The following PCM1 variants were observed in gnomAD, a reference collection of about 807,000 sequenced individuals.
PCM1 encodes the protein pericentriolar material 1 protein.
PCM1 carries 157 observed loss-of-function variants against 241.9 expected under a neutral mutation model. That is an observed-to-expected ratio of 0.65 (90% CI 0.57 to 0.74). The LOEUF is 0.74. Among genes scored for constraint, PCM1 ranks in the 30% least tolerant of loss-of-function variants. The pLI is 0.00. For missense variants in PCM1, 3,478 were observed against 2,360.1 expected (o/e 1.47, Z -9.81); for synonymous variants, 1,085 against 784.9 (o/e 1.38, Z -6.39).
chr8:17,931,067 C>CTG (rs2058866235), intron 2 of PCM1, among the ~76,000 whole-genome samples: 1 of 152,070 alleles, frequency 6.6e-6, no homozygotes, highest in Non-Finnish European at 1.5e-5. Flanking sequence ...TTTTGCCAAC[C>CTG]TGATAGATTA....
At chr8:18,011,963 T>C (rs2092579339) in intron 34 of PCM1, 136 bp downstream of exon 34, 2 of 763,576 alleles carry the variant, frequency 2.6e-6, no homozygotes, top group East Asian at 2.9e-5. Context: ...ATTAATATGC[T>C]TATTAAAATC....
At chr8:17,971,978 C>T (rs2077010414) in intron 22 of PCM1, among the ~76,000 whole-genome samples, 1 of 152,134 alleles carries the variant, frequency 6.6e-6, no homozygotes, top group Non-Finnish European at 1.5e-5. Flanking sequence ...CTCCTGGGCT[C>T]AAGCATTCCT....
chr8:17,952,398 CT>C (rs1432380600), intron 8 of PCM1, among the ~76,000 whole-genome samples: 1 of 152,012 alleles, frequency 6.6e-6, no homozygotes, highest in Non-Finnish European at 1.5e-5. Context: ...ATTGTTATTA[CT>C]TTTGATTCAA....
intron 10 of PCM1, 175 bp downstream of exon 10, chr8:17,955,828 AAG>A: frequency 1.6e-6 from 1 of 611,516 alleles, no homozygotes; most frequent in Non-Finnish European, 2.9e-6. Flanking sequence ...TGAGTTGTCT[AAG>A]AGATGTGATG....
At chr8:17,923,815 C>T (rs2055659740) in intron 1 of PCM1, among the ~76,000 whole-genome samples, 1 of 152,032 alleles carries the variant, frequency 6.6e-6, no homozygotes, top group African/African-American at 2.4e-5. Flanking sequence ...TCCCTTCCTA[C>T]CTATCTAGTT....
At chr8:17,940,567 C>T (rs1463473923) in intron 6 of PCM1, among the ~76,000 whole-genome samples, 1 of 152,180 alleles carries the variant, frequency 6.6e-6, no homozygotes, top group South Asian at 2.1e-4. Flanking sequence ...ACTGAGGACA[C>T]GTTAAGGATA....
At chr8:17,999,459 G>A (rs2129482731) in intron 29 of PCM1, among the ~76,000 whole-genome samples, 1 of 152,192 alleles carries the variant, frequency 6.6e-6, no homozygotes, top group South Asian at 2.1e-4. Flanking sequence ...ATGTCATCTT[G>A]GAGCTGGGGC....
At chr8:17,938,255 C>CA (rs149589876) in intron 4 of PCM1, among the ~76,000 whole-genome samples, 2,566 of 152,144 alleles carry the variant, frequency 0.017, 39 homozygotes, top group South Asian at 0.043. Flanking sequence ...AGTGAAAACG[C>CA]GTCAAAACTT....
intron 28 of PCM1, among the ~76,000 whole-genome samples, chr8:17,992,134 C>T (rs2084886131): frequency 6.6e-6 from 1 of 152,150 alleles, no homozygotes; most frequent in Non-Finnish European, 1.5e-5. Flanking sequence ...TTTTCTTTAT[C>T]CGCTCGTTGA....
chr8:17,967,745 G>A (rs764532728), intron 21 of PCM1, among the ~76,000 whole-genome samples: 1 of 152,238 alleles, frequency 6.6e-6, no homozygotes, highest in Non-Finnish European at 1.5e-5. Context: ...TAGGCACTGT[G>A]TAAAACGCTG....
chr8:17,941,890 A>C (rs912292400), intron 6 of PCM1, among the ~76,000 whole-genome samples: 2 of 152,138 alleles, frequency 1.3e-5, no homozygotes, highest in Non-Finnish European at 2.9e-5. Flanking sequence ...TCTTCTGTTC[A>C]TATTTCCTCT....
intron 6 of PCM1, among the ~76,000 whole-genome samples, chr8:17,941,522 T>TTG (rs370292551): frequency 0.017 from 2,517 of 148,724 alleles, 40 homozygotes; most frequent in South Asian, 0.044. Flanking sequence ...GTGGATTGAT[T>TTG]TTTGTTTTTT....
chr8:17,935,527 T>C (rs992133378), intron 2 of PCM1, 62 bp from the exon 3 acceptor site: 3 of 645,594 alleles, frequency 4.6e-6, no homozygotes, highest in Non-Finnish European at 8.5e-6. Flanking sequence ...CTTCATGGAA[T>C]GATTTGAAAA....
At chr8:17,972,906 G>A (rs1013519493) in intron 23 of PCM1, among the ~76,000 whole-genome samples, 7 of 152,002 alleles carry the variant, frequency 4.6e-5, no homozygotes, top group African/African-American at 1.4e-4. Context: ...GTAAAACATG[G>A]CATTTATTTT....
chr8:17,945,210 T>C (rs1389299417), intron 6 of PCM1, among the ~76,000 whole-genome samples: 1 of 152,122 alleles, frequency 6.6e-6, no homozygotes, highest in Non-Finnish European at 1.5e-5. Flanking sequence ...TTCCTAATGA[T>C]GTAAACTGTC....
intron 1 of PCM1, among the ~76,000 whole-genome samples, chr8:17,923,401 A>G (rs2055343848): frequency 6.6e-6 from 1 of 152,120 alleles, no homozygotes; most frequent in Non-Finnish European, 1.5e-5. Flanking sequence ...TCCCCGGGTG[A>G]GCACCTCGCG....
rs765264441 is a variant in PCM1 at position 18,006,355 on chromosome 8, G to A, written c.4920G>A (p.Glu1640=). 3.7e-6 allele frequency: 6 copies of A among 1,612,762 alleles called. No homozygotes were observed. The East Asian group carries it at 1.3e-4, about 36-fold the overall frequency. Residue 1640 remains glutamate (E), a synonymous_variant, in exon 30 of 39, where the codon GAG becomes GAA. Coordinates refer to ENST00000325083, the MANE Select transcript of PCM1 (RefSeq NM_006197.4). ...CCCAGCAAAATGATGAGAGCAAAGA[G>A]TTTGTAAAGTTCTTTCATAAACAAC... The part of the protein sequence containing the change: ...TLTQQNDESK[E]FVKFFHKQLG...
chr8:17,939,593 A>G (rs2061441718), intron 5 of PCM1, 98 bp from the exon 6 acceptor site: 1 of 583,750 alleles, frequency 1.7e-6, no homozygotes, highest in Non-Finnish European at 2.7e-6. Flanking sequence ...TATCTTCGAA[A>G]TAAAAATTTG....
chr8:17,957,271 C>A lies in PCM1; in HGVS notation c.1654C>A (p.Gln552Lys). 1 of 1,584,702 alleles carries A rather than the reference C, an allele frequency of 6.3e-7. No homozygotes were observed. Among genetic ancestry groups the A allele is most frequent in the Non-Finnish European group, 8.6e-7 (1 of 1,164,600 alleles). The change falls in exon 12 of 39, where the codon CAA becomes AAA. Residue 552 changes from glutamine (Q) to lysine (K), a missense_variant. Transcript: ENST00000325083. The stretch of plus-strand genomic sequence containing the variant: ...CTGTTTTCTTTCTTCTAGAAATCCA[C>A]AAGTAGCTTCCACTTGGAATGAAGT... ...SEPVTNIRNPQVASTWNEVNS... is the reference protein window; with the variant it reads ...SEPVTNIRNPKVASTWNEVNS...
Sources: gnomAD v4.1 joint callset for allele counts (sites outside exome capture counted in the v4.1 genomes callset) on GRCh38, gnomAD v4.1.1 for gene constraint, MANE v1.5 for transcripts, NCBI Gene and HGNC (gene_info 2026-07-23, HGNC 2026-07-21) for gene names.